Variants in STAG1 observed in about 807,000 individuals in gnomAD.
STAG1 encodes the protein STAG1 cohesin complex component.
Under a neutral mutation model 170.9 loss-of-function variants are expected in STAG1, and 26 were observed. That is an observed-to-expected ratio of 0.15 (90% CI 0.11 to 0.21). The LOEUF is 0.21. STAG1 is among the 10% of genes least tolerant of loss of function. STAG1 has a pLI of 1.00. For missense variants in STAG1, 964 were observed against 1,509.5 expected, an observed-to-expected ratio of 0.64 and a Z score of 5.99; for synonymous variants, 514 against 497.7, an observed-to-expected ratio of 1.03 and a Z score of -0.44.
chr3:136,565,021 G>GGCAGGCAGGCAGGCAGGCACGCAC (rs1559881963), intron 5 of STAG1, among the ~76,000 whole-genome samples: 9 of 95,738 alleles, frequency 9.4e-5, no homozygotes, highest in African/African-American at 5.3e-4. Context: ...AAGGCAGGCA[G>GGCAGGCAGGCAGGCAGGCACGCAC]GCAGGCAGGC....
At chr3:136,423,250 CTATT>C (rs1456078063) in intron 16 of STAG1, among the ~76,000 whole-genome samples, 1 of 152,234 alleles carries the variant, frequency 6.6e-6, no homozygotes, top group South Asian at 2.1e-4. Context: ...GGGCGAATTA[CTATT>C]TGTTTATGTC....
intron 3 of STAG1, among the ~76,000 whole-genome samples, chr3:136,612,490 GA>G (rs1456789999): frequency 6.6e-6 from 1 of 151,506 alleles, no homozygotes; most frequent in Non-Finnish European, 1.5e-5. Flanking sequence ...AAAGAAAAAA[GA>G]AAAAATATCT....
intron 6 of STAG1, among the ~76,000 whole-genome samples, chr3:136,531,694 G>C (rs1288195941): frequency 6.7e-6 from 1 of 149,526 alleles, no homozygotes. Context: ...CTCACTCATA[G>C]GTGGGAATTG....
chr3:136,744,106 T>C (rs1388110324), intron 1 of STAG1, among the ~76,000 whole-genome samples: 4 of 152,168 alleles, frequency 2.6e-5, no homozygotes, highest in Non-Finnish European at 5.9e-5. Flanking sequence ...GGCAGGCAGA[T>C]CACCTGAAGT....
intron 19 of STAG1, among the ~76,000 whole-genome samples, 156 bp downstream of exon 19, chr3:136,422,254 T>C (rs1334502247): frequency 1.3e-5 from 2 of 152,176 alleles, no homozygotes; most frequent in African/African-American, 2.4e-5. Context: ...GGCTGATCTT[T>C]ATAGAATACA....
chr3:136,379,447 G>A (rs1009078286), intron 22 of STAG1, among the ~76,000 whole-genome samples: 18 of 152,176 alleles, frequency 1.2e-4, no homozygotes, highest in Non-Finnish European at 2.6e-4. Flanking sequence ...GGTGGCTCAC[G>A]CCTGTAATCC....
chr3:136,340,394 T>C (rs1306218382), intron 32 of STAG1, 97 bp downstream of exon 32: 1 of 767,112 alleles, frequency 1.3e-6, no homozygotes, highest in Non-Finnish European at 2.2e-6. Flanking sequence ...AGTGCTGGGA[T>C]TACAGGTGTG....
chr3:136,513,931 A>G (rs1934210367), intron 7 of STAG1, among the ~76,000 whole-genome samples: 1 of 152,192 alleles, frequency 6.6e-6, no homozygotes, highest in Non-Finnish European at 1.5e-5. Flanking sequence ...TAAAAAATTA[A>G]AAGAAAAAAA....
intron 1 of STAG1, among the ~76,000 whole-genome samples, chr3:136,646,289 C>T (rs1941009832): frequency 6.6e-6 from 1 of 152,136 alleles, no homozygotes; most frequent in Non-Finnish European, 1.5e-5. Context: ...ATGCCTGGCT[C>T]AGGTGGAATC....
intron 3 of STAG1, among the ~76,000 whole-genome samples, chr3:136,615,783 A>AC (rs958475897): frequency 6.6e-6 from 1 of 151,848 alleles, no homozygotes; most frequent in African/African-American, 2.4e-5. Context: ...AAATCAAAAA[A>AC]AAAAAGAAAA....
intron 31 of STAG1, 60 bp downstream of exon 31, chr3:136,341,381 C>A: frequency 8.9e-7 from 1 of 1,129,480 alleles, no homozygotes; most frequent in Non-Finnish European, 1.3e-6. Flanking sequence ...CAAGTCATTT[C>A]ACAAAATGAT....
At chr3:136,534,158 T>C (rs940990502) in intron 6 of STAG1, among the ~76,000 whole-genome samples, 8 of 152,180 alleles carry the variant, frequency 5.3e-5, no homozygotes, top group Non-Finnish European at 5.9e-5. Flanking sequence ...CACTGCGGGA[T>C]GGACACCTCC....
In STAG1 at chr3:136,638,145, A is replaced by G. The variant is rs545887139; in HGVS notation, c.-83-7164T>C. 1.8e-4 allele frequency among the ~76,000 whole-genome samples: 24 copies of G among 130,766 alleles called. No homozygotes were observed. The East Asian group carries it at 4.8e-3, about 26-fold the overall frequency. 85.8% of individuals were successfully genotyped at this position (130,766 alleles called of 152,430 possible). ...GCTGCATTTTCTTTTTTTTTTTTTG[A>G]GACAGAGTTTTGCTCTTGTTGCCCA... On this transcript the variant is annotated intron_variant, in intron 1 of 33. Transcript: ENST00000383202.
In STAG1 at chr3:136,349,371, C is replaced by T; in HGVS notation, c.3066-8G>A. 1 of 1,603,390 alleles carries T rather than the reference C, an allele frequency of 6.2e-7. No homozygotes were observed. ...TTCTCTAGGTATGAATGACTAGAAA[C>T]ACAATAGAAACAGCAGTGATTTTCA... On this transcript the variant is annotated splice_polypyrimidine_tract_variant and splice_region_variant and intron_variant, in intron 28 of 33. Coordinates refer to ENST00000383202, the MANE Select transcript of STAG1 (RefSeq NM_005862.3).
At chr3:136,637,090 C>T (rs1422036314) in intron 1 of STAG1, among the ~76,000 whole-genome samples, 1 of 152,122 alleles carries the variant, frequency 6.6e-6, no homozygotes, top group African/African-American at 2.4e-5. Context: ...ATTTTTCTTT[C>T]CCTCATCAAC....
At chr3:136,729,387 GTAC>G (rs1933871136) in intron 1 of STAG1, among the ~76,000 whole-genome samples, 1 of 151,874 alleles carries the variant, frequency 6.6e-6, no homozygotes, top group African/African-American at 2.4e-5. Flanking sequence ...TTTGTGAATG[GTAC>G]CATGCTTATA....
intron 6 of STAG1, among the ~76,000 whole-genome samples, chr3:136,523,491 A>G (rs1375011899): frequency 1.3e-5 from 2 of 151,690 alleles, no homozygotes; most frequent in Admixed American, 6.6e-5. Flanking sequence ...AGTAGATTGC[A>G]AAAATCTTCT....
At chr3:136,422,684 A>C in intron 18 of STAG1, 71 bp from the exon 19 acceptor site, 1 of 1,540,194 alleles carries the variant, frequency 6.5e-7, no homozygotes. Flanking sequence ...AGCATCTGTC[A>C]AATAACAAGT....
chr3:136,746,583 G>A (rs999640317), intron 1 of STAG1, among the ~76,000 whole-genome samples: 42 of 152,160 alleles, frequency 2.8e-4, no homozygotes, highest in Non-Finnish European at 1.9e-4. Context: ...CTGCTAAACC[G>A]TATGCCATGA....
Sources: gnomAD v4.1 joint callset for allele counts (sites outside exome capture counted in the v4.1 genomes callset) on GRCh38, gnomAD v4.1.1 for gene constraint, MANE v1.5 for transcripts, NCBI Gene and HGNC (gene_info 2026-07-23, HGNC 2026-07-21) for gene names.